Variants in MIR2052HG observed in about 807,000 individuals in gnomAD.
MIR2052HG encodes the protein MIR2052 host gene.
chr8:74,613,856 A>G (rs1808237905), intron 2 of MIR2052HG, among the ~76,000 whole-genome samples: 3 of 152,210 alleles, frequency 2.0e-5, no homozygotes, highest in Non-Finnish European at 1.5e-5. Flanking sequence ...TTTAAATATG[A>G]TGGTCAGATC....
intron 4 of MIR2052HG, among the ~76,000 whole-genome samples, chr8:74,752,112 T>C (rs1026013350): frequency 5.3e-5 from 8 of 151,646 alleles, no homozygotes; most frequent in African/African-American, 1.5e-4. Flanking sequence ...GAAACCCCCA[T>C]TTCTGCAAAA....
intron 2 of MIR2052HG, among the ~76,000 whole-genome samples, chr8:74,690,160 T>C (rs184706388): frequency 1.3e-5 from 2 of 152,356 alleles, no homozygotes; most frequent in East Asian, 1.9e-4. Context: ...TTACATGCTA[T>C]ATAAATATGG....
chr8:74,695,080 G>A (rs549718183), intron 2 of MIR2052HG, among the ~76,000 whole-genome samples: 1 of 152,158 alleles, frequency 6.6e-6, no homozygotes, highest in South Asian at 2.1e-4. Context: ...ACATATAAAG[G>A]AAAACCTATC....
intron 2 of MIR2052HG, among the ~76,000 whole-genome samples, chr8:74,698,843 G>A (rs908777653): frequency 2.0e-4 from 31 of 152,014 alleles, no homozygotes; most frequent in African/African-American, 6.3e-4. Flanking sequence ...AAAGCACCAC[G>A]GCACATGTAC....
intron 2 of MIR2052HG, among the ~76,000 whole-genome samples, chr8:74,667,162 A>G (rs901077633): frequency 5.3e-5 from 8 of 152,220 alleles, no homozygotes; most frequent in African/African-American, 1.9e-4. Flanking sequence ...CAAAGGGGAC[A>G]GGAGCTCAGT....
chr8:74,735,627 A>G (rs73339297), intron 4 of MIR2052HG, among the ~76,000 whole-genome samples: 16,166 of 152,234 alleles, frequency 0.11, 1,952 homozygotes, highest in African/African-American at 0.3. Flanking sequence ...TGACAGAAAG[A>G]ATATATTTCC....
intron 2 of MIR2052HG, among the ~76,000 whole-genome samples, chr8:74,695,991 A>T (rs1809292028): frequency 6.6e-6 from 1 of 152,158 alleles, no homozygotes; most frequent in South Asian, 2.1e-4. Flanking sequence ...ATATTTACAG[A>T]ATGTTCTACT....
intron 2 of MIR2052HG, among the ~76,000 whole-genome samples, chr8:74,658,411 G>A (rs1272658091): frequency 2.7e-5 from 4 of 148,240 alleles, no homozygotes; most frequent in Non-Finnish European, 5.9e-5. Flanking sequence ...TTCTTTTTGA[G>A]ATGCAGTCTC....
At chr8:74,664,496 A>T (rs1160799497) in intron 2 of MIR2052HG, among the ~76,000 whole-genome samples, 1 of 151,866 alleles carries the variant, frequency 6.6e-6, no homozygotes, top group Non-Finnish European at 1.5e-5. Flanking sequence ...ACACCTTATC[A>T]ACTTTTCTTT....
intron 4 of MIR2052HG, among the ~76,000 whole-genome samples, chr8:74,706,453 G>T (rs1024218344): frequency 1.3e-5 from 2 of 152,014 alleles, no homozygotes; most frequent in Non-Finnish European, 2.9e-5. Flanking sequence ...ATTAATTAGC[G>T]TTCACTTCCA....
At chr8:74,690,534 GCTATT>G (rs1368746097) in intron 2 of MIR2052HG, among the ~76,000 whole-genome samples, 1 of 152,018 alleles carries the variant, frequency 6.6e-6, no homozygotes, top group Non-Finnish European at 1.5e-5. Context: ...TGTAGTCCCA[GCTATT>G]CTGGAGGCTG....
intron 2 of MIR2052HG, among the ~76,000 whole-genome samples, chr8:74,698,131 G>A (rs569572834): frequency 3.3e-5 from 5 of 152,196 alleles, no homozygotes; most frequent in Admixed American, 1.3e-4. Context: ...AGTCACCAAA[G>A]CAGCATTGTA....
chr8:74,700,107 A>G (rs1809343451), intron 2 of MIR2052HG, among the ~76,000 whole-genome samples: 1 of 152,168 alleles, frequency 6.6e-6, no homozygotes, highest in Non-Finnish European at 1.5e-5. Context: ...GGGATATGAG[A>G]TGGTTTTTAA....
At chr8:74,689,171 TG>T (rs1809214076) in intron 2 of MIR2052HG, among the ~76,000 whole-genome samples, 2 of 152,144 alleles carry the variant, frequency 1.3e-5, no homozygotes, top group Non-Finnish European at 2.9e-5. Context: ...GATATGTGCT[TG>T]GGATGTCTCA....
intron 2 of MIR2052HG, among the ~76,000 whole-genome samples, chr8:74,680,745 T>C (rs1343521895): frequency 3.3e-5 from 5 of 152,084 alleles, no homozygotes; most frequent in Non-Finnish European, 5.9e-5. Context: ...ATCATGCTGT[T>C]ATACAGACAC....
chr8:74,610,482 A>G (rs1036137056), intron 1 of MIR2052HG, among the ~76,000 whole-genome samples: 6 of 151,940 alleles, frequency 3.9e-5, no homozygotes, highest in Non-Finnish European at 7.4e-5. Flanking sequence ...TTTCTTTTTA[A>G]TAGAAATTGA....
intron 2 of MIR2052HG, among the ~76,000 whole-genome samples, chr8:74,660,660 A>G (rs1468131644): frequency 2.6e-5 from 4 of 152,230 alleles, no homozygotes; most frequent in African/African-American, 9.6e-5. Flanking sequence ...AGGACTTTCA[A>G]AGTTCAAAAT....
intron 2 of MIR2052HG, among the ~76,000 whole-genome samples, chr8:74,644,104 T>C (rs1424886518): frequency 6.6e-6 from 1 of 152,202 alleles, no homozygotes; most frequent in African/African-American, 2.4e-5. Flanking sequence ...GTATGAGATG[T>C]AAAAGGCCAT....
chr8:74,712,390 A>C (rs1809476776), intron 4 of MIR2052HG, among the ~76,000 whole-genome samples: 1 of 152,194 alleles, frequency 6.6e-6, no homozygotes, highest in South Asian at 2.1e-4. Flanking sequence ...GAAACTTAAA[A>C]ATGGGAGGAA....
Sources: gnomAD v4.1 joint callset for allele counts (sites outside exome capture counted in the v4.1 genomes callset) on GRCh38, gnomAD v4.1.1 for gene constraint, MANE v1.5 for transcripts, NCBI Gene and HGNC (gene_info 2026-07-23, HGNC 2026-07-21) for gene names.